Variants in GJC2 observed in about 807,000 individuals in gnomAD.
GJC2 encodes the protein gap junction protein gamma 2, also known as gap junction gamma-2 protein.
For synonymous variants in GJC2, 336 were observed against 307.5 expected (o/e 1.09, Z -0.97); for missense variants, 647 against 648.9 (o/e 1.00, Z 0.03).
Position 228,157,840 on chromosome 1 carries a change from C to T in GJC2, c.82C>T (p.Leu28Phe). ...NHSTFVGKVW[L>F]TVLVVFRIVL... The stretch of plus-strand genomic sequence containing the variant: ...CTCCACCTTCGTGGGCAAGGTGTGG[C>T]TCACGGTGCTGGTGGTCTTCCGCAT... The change falls in exon 2 of 2, where the codon CTC becomes TTC. Residue 28 changes from leucine (L) to phenylalanine (F), a missense_variant. By Grantham distance (22) the Leu-to-Phe change is conservative. Transcript: ENST00000366714. The T allele has an allele frequency of 1.9e-6, 3 of 1,598,252 alleles. No individual in the cohort carries two copies. Among genetic ancestry groups the T allele is most frequent in the East Asian group, 2.3e-5 (1 of 44,098 alleles).
Position 228,158,323 on chromosome 1 carries a change from G to T in GJC2, c.565G>T (p.Ala189Ser). 6.4e-7 allele frequency: 1 copy of T among 1,558,348 alleles called. No individual in the cohort carries two copies. The change falls in exon 2 of 2, where the codon GCA (alanine) becomes TCA (serine). Residue 189 changes from alanine to serine, a missense_variant. Coordinates refer to ENST00000366714, the MANE Select transcript of GJC2 (RefSeq NM_020435.4). The surrounding 1 kb of genome is among the most constrained non-coding windows in gnomAD (Gnocchi z 8.3). ...TKAVGADGKA[A>S]GTPGPTGQHD... is the part of the protein sequence containing the mutation. The stretch of plus-strand genomic sequence containing the variant: ...GGCGGTCGGCGCTGACGGCAAGGCG[G>T]CAGGGACCCCGGGCCCGACCGGGCA...
At position 228,158,132 on chromosome 1, in the gene GJC2, G is replaced by A; in HGVS notation, c.374G>A (p.Arg125Gln). Reference sequence around the variant, plus strand: ...CGCCCGGGGCCACGCCGCGCGCCCCGAGCGCACCTGCCGCCCCCGCACGCC... The same window carrying A: ...CGCCCGGGGCCACGCCGCGCGCCCCAAGCGCACCTGCCGCCCCCGCACGCC... Reference protein sequence around the residue: ...RRRPGPRRAPRAHLPPPHAGW... With the variant: ...RRRPGPRRAPQAHLPPPHAGW... The change falls in exon 2 of 2, where the codon CGA (arginine) becomes CAA (glutamine). Residue 125 changes from arginine (R) to glutamine (Q), a missense_variant. Physicochemically the swap from Arg to Gln is conservative, Grantham distance 43. Coordinates refer to ENST00000366714, the MANE Select transcript of GJC2 (RefSeq NM_020435.4). This position sits in a 1 kb window ranked among gnomAD's most constrained non-coding sequence, Gnocchi z 8.3. 7.9e-7 allele frequency: 1 copy of A among 1,263,072 alleles called. No homozygotes were observed. The highest frequency in any genetic ancestry group is 1.0e-6 in the Non-Finnish European group (1 of 1,003,874). The allele number at this position is 1,263,072 out of a possible 1,614,324, so 78.2% of individuals were successfully genotyped here. A position where few individuals can be genotyped will look rare whatever the true frequency, so the allele number is the denominator to read the frequency against.
rs2034611807 is a variant in GJC2, at chr1:228,151,101, C to G, written c.-20+1094C>G. Among the ~76,000 whole-genome samples the G allele has an allele frequency of 6.6e-6, 1 of 152,152 alleles. No homozygotes were observed. Among genetic ancestry groups the G allele is most frequent in the South Asian group, 2.1e-4 (1 of 4,836 alleles). On this transcript the variant is annotated intron_variant, in intron 1 of 1. Transcript: ENST00000366714. This position sits in a 1 kb window ranked among gnomAD's most constrained non-coding sequence, Gnocchi z 5.4. ...CTGACAGCTCTGTTCCTGCTTGGGACCCTGAGGGAGGGAACTCAAGAACAG... is the reference window on the plus strand; with the variant it reads ...CTGACAGCTCTGTTCCTGCTTGGGAGCCTGAGGGAGGGAACTCAAGAACAG...
At position 228,158,771 on chromosome 1, in the gene GJC2, G is replaced by C. The variant is rs1011652150; in HGVS notation, c.1013G>C (p.Arg338Pro). ...ACPPDYSLVVRAAERARAHDQ... is the reference protein window; with the variant it reads ...ACPPDYSLVVPAAERARAHDQ... The stretch of plus-strand genomic sequence containing the variant: ...CCGCCCGACTACAGCCTGGTGGTGC[G>C]GGCGGCCGAGCGCGCTCGGGCGCAT... The change falls in exon 2 of 2, where the codon CGG becomes CCG. Residue 338 changes from arginine (R) to proline (P), a missense_variant. Arg to Pro is a moderately radical substitution (Grantham distance 103). Coordinates refer to ENST00000366714, the MANE Select transcript of GJC2 (RefSeq NM_020435.4). This position sits in a 1 kb window ranked among gnomAD's most constrained non-coding sequence, Gnocchi z 8.3. The C allele has an allele frequency of 2.1e-6, 3 of 1,402,934 alleles. No individual in the cohort carries two copies. Among genetic ancestry groups the C allele is most frequent in the East Asian group, 7.1e-5 (2 of 28,204 alleles). 86.9% of individuals were successfully genotyped at this position (1,402,934 alleles called of 1,614,324 possible).
Position 228,151,557 on chromosome 1 carries a change from C to T in GJC2, c.-20+1550C>T, listed in dbSNP as rs371863508. On this transcript the variant is annotated intron_variant, in intron 1 of 1. Coordinates refer to ENST00000366714, the MANE Select transcript of GJC2 (RefSeq NM_020435.4). The surrounding 1 kb of genome is among the most constrained non-coding windows in gnomAD (Gnocchi z 5.4). ...TGTGAGCCCAGCTCCATGTTGAGCTCGAGCAGCAGTGTGCATGTGGCAGTG... is the reference window on the plus strand; with the variant it reads ...TGTGAGCCCAGCTCCATGTTGAGCTTGAGCAGCAGTGTGCATGTGGCAGTG... Among the ~76,000 whole-genome samples, 2 of 152,016 alleles carry T rather than the reference C, an allele frequency of 1.3e-5. No homozygotes were observed. The highest frequency in any genetic ancestry group is 2.9e-5 in the Non-Finnish European group (2 of 67,992).
rs976058197 is a variant in GJC2, at chr1:228,151,598, T to TG, written c.-20+1598dup. Among the ~76,000 whole-genome samples the TG allele has an allele frequency of 5.9e-5, 9 of 151,694 alleles. No homozygotes were observed. The East Asian group carries it at 1.2e-3, about 20-fold the overall frequency. ...TGTGGCAGTGTGCACTGCTTGTGTG[T>TG]GGGGGGGTGGAGGGAGGAGCGTGCC... On this transcript the variant is annotated intron_variant, in intron 1 of 1. Coordinates refer to ENST00000366714, the MANE Select transcript of GJC2 (RefSeq NM_020435.4). The surrounding 1 kb of genome is among the most constrained non-coding windows in gnomAD (Gnocchi z 5.4).
Position 228,158,017 on chromosome 1 carries a change from A to C in GJC2, c.259A>C (p.Ile87Leu), listed in dbSNP as rs776048044. ...VRFWVFQIVVISTPSVMYLGY... is the reference protein window; with the variant it reads ...VRFWVFQIVVLSTPSVMYLGY... ...CTTCTGGGTCTTCCAGATTGTGGTC[A>C]TCTCCACGCCCTCGGTCATGTACCT... The change falls in exon 2 of 2, where the codon ATC becomes CTC. Residue 87 changes from isoleucine to leucine, a missense_variant. Ile to Leu is a conservative substitution (Grantham distance 5). Transcript: ENST00000366714. The surrounding 1 kb of genome is among the most constrained non-coding windows in gnomAD (Gnocchi z 8.3). The C allele has an allele frequency of 6.2e-6, 10 of 1,611,558 alleles. No homozygotes were observed. Among genetic ancestry groups the C allele is most frequent in the Non-Finnish European group, 8.5e-6 (10 of 1,179,632 alleles).
chr1:228,150,412 T>C lies in GJC2; in HGVS notation c.-20+405T>C, dbSNP rs2034601411. On this transcript the variant is annotated intron_variant, in intron 1 of 1. Transcript: ENST00000366714. This position sits in a 1 kb window ranked among gnomAD's most constrained non-coding sequence, Gnocchi z 4.6. ...TGTGTCCAGGCCCAGTCCCCCACCC[T>C]CAGCGGCCACCTGGAGGTGAGGGGG... Among the ~76,000 whole-genome samples the C allele has an allele frequency of 6.6e-6, 1 of 152,106 alleles. No individual in the cohort carries two copies. The highest frequency in any genetic ancestry group is 1.5e-5 in the Non-Finnish European group (1 of 67,988).
chr1:228,158,059 C>G lies in GJC2; in HGVS notation c.301C>G (p.Arg101Gly). Residue 101 changes from arginine (R) to glycine (G), a missense_variant, in exon 2 of 2, where the codon CGC (arginine) becomes GGC (glycine). By Grantham distance (125) the Arg-to-Gly change is moderately radical. Coordinates refer to ENST00000366714, the MANE Select transcript of GJC2 (RefSeq NM_020435.4). The surrounding 1 kb of genome is among the most constrained non-coding windows in gnomAD (Gnocchi z 8.3). The part of the protein sequence containing the change: ...SVMYLGYAVH[R>G]LARASEQERR... ...CATGTACCTGGGCTACGCCGTGCAC[C>G]GCCTGGCCCGTGCGTCTGAGCAGGA... 6.2e-7 allele frequency: 1 copy of G among 1,605,554 alleles called. No individual in the cohort carries two copies. Among genetic ancestry groups the G allele is most frequent in the South Asian group, 1.1e-5 (1 of 90,802 alleles).
In GJC2 at chr1:228,158,398, G is replaced by T; in HGVS notation, c.640G>T (p.Val214Leu). The T allele has an allele frequency of 6.2e-7, 1 of 1,605,320 alleles. No homozygotes were observed. ...GCGGGAGGGCCTGATGCGCGTGTACGTGGCCCAGCTGGTGGCCAGGGCAGC... is the reference window on the plus strand; with the variant it reads ...GCGGGAGGGCCTGATGCGCGTGTACTTGGCCCAGCTGGTGGCCAGGGCAGC... ...IQREGLMRVY[V>L]AQLVARAAFE... The change falls in exon 2 of 2, where the codon GTG (valine) becomes TTG (leucine). Residue 214 changes from valine (V) to leucine (L), a missense_variant. Val to Leu is a conservative substitution (Grantham distance 32, BLOSUM62 1). Transcript: ENST00000366714. This position sits in a 1 kb window ranked among gnomAD's most constrained non-coding sequence, Gnocchi z 8.3.
rs1429556501 is a variant in GJC2 at position 228,158,119 on chromosome 1, C to T, written c.361C>T (p.Arg121Cys). 8.0e-7 allele frequency: 1 copy of T among 1,250,774 alleles called. No homozygotes were observed. The highest frequency in any genetic ancestry group is 1.0e-6 in the Non-Finnish European group (1 of 995,438). The allele number at this position is 1,250,774 out of a possible 1,614,324, so 77.5% of individuals were successfully genotyped here. The change falls in exon 2 of 2, where the codon CGC becomes TGC. Residue 121 changes from arginine (R) to cysteine (C), a missense_variant. By Grantham distance (180) the Arg-to-Cys change is radical. Transcript: ENST00000366714. This position sits in a 1 kb window ranked among gnomAD's most constrained non-coding sequence, Gnocchi z 8.3. ...RRALRRRPGPRRAPRAHLPPP... is the reference protein window; with the variant it reads ...RRALRRRPGPCRAPRAHLPPP... ...CGCCCTCCGCCGCCGCCCGGGGCCA[C>T]GCCGCGCGCCCCGAGCGCACCTGCC...
chr1:228,151,518 T>C lies in GJC2; in HGVS notation c.-20+1511T>C, dbSNP rs531774628. Among the ~76,000 whole-genome samples the C allele has an allele frequency of 4.6e-4, 70 of 152,042 alleles. No homozygotes were observed. Among genetic ancestry groups the C allele is most frequent in the Non-Finnish European group, 8.2e-4 (56 of 67,964 alleles). On this transcript the variant is annotated intron_variant, in intron 1 of 1. Transcript: ENST00000366714. The surrounding 1 kb of genome is among the most constrained non-coding windows in gnomAD (Gnocchi z 5.4). ...TGAATAGGGAGGGTTCATGGCTATG[T>C]GTGAGAGTGAGTGTGTGAGCCCAGC...
chr1:228,153,581 CTTTTTTTT>C (rs149136887), intron 1 of GJC2, among the ~76,000 whole-genome samples: 3,484 of 93,216 alleles, frequency 0.037, 60 homozygotes, highest in Non-Finnish European at 0.052. Context: ...TTTCTCTTTT[CTTTTTTTT>C]TTTTTTTTTT....
chr1:228,154,480 G>A (rs780452619), intron 1 of GJC2, among the ~76,000 whole-genome samples: 3 of 152,164 alleles, frequency 2.0e-5, no homozygotes, highest in Non-Finnish European at 4.4e-5. Context: ...GCCTGGCCAG[G>A]GTTGGTGTAG....
At position 228,152,457 on chromosome 1, in the gene GJC2, T is replaced by TCTGA. The variant is rs1336363367; in HGVS notation, c.-20+2451_-20+2452insTGAC. 6.6e-6 allele frequency among the ~76,000 whole-genome samples: 1 copy of TCTGA among 152,006 alleles called. No homozygotes were observed. Among genetic ancestry groups the TCTGA allele is most frequent in the Non-Finnish European group, 1.5e-5 (1 of 67,948 alleles). Reference sequence around the variant, plus strand: ...GGAGGGGGCCCGGCTCTGACCGGTGTCCTGAGATACCAGGACACCAGGACA... The same window carrying TCTGA: ...GGAGGGGGCCCGGCTCTGACCGGTGTCTGACCTGAGATACCAGGACACCAGGACA... On this transcript the variant is annotated intron_variant, in intron 1 of 1. Coordinates refer to ENST00000366714, the MANE Select transcript of GJC2 (RefSeq NM_020435.4). The surrounding 1 kb of genome is among the most constrained non-coding windows in gnomAD (Gnocchi z 7.3).
Position 228,159,139 on chromosome 1 carries a change from T to G in GJC2, c.*61T>G. On this transcript the variant is annotated 3_prime_UTR_variant, in exon 2 of 2. Transcript: ENST00000366714. This position sits in a 1 kb window ranked among gnomAD's most constrained non-coding sequence, Gnocchi z 4.0. ...GGGTTGGGGGGCTCCGGTGGAAACCTGCGACCCCTTCTCCTCAGCCTTCTC... is the reference window on the plus strand; with the variant it reads ...GGGTTGGGGGGCTCCGGTGGAAACCGGCGACCCCTTCTCCTCAGCCTTCTC... The G allele has an allele frequency of 6.4e-7, 1 of 1,564,040 alleles. No individual in the cohort carries two copies. The highest frequency in any genetic ancestry group is 8.8e-7 in the Non-Finnish European group (1 of 1,141,684).
In GJC2 at chr1:228,158,512, C is replaced by T; in HGVS notation, c.754C>T (p.His252Tyr). The change falls in exon 2 of 2, where the codon CAC becomes TAC. Residue 252 changes from histidine to tyrosine, a missense_variant. His to Tyr is a moderately conservative substitution (Grantham distance 83). Coordinates refer to ENST00000366714, the MANE Select transcript of GJC2 (RefSeq NM_020435.4). This position sits in a 1 kb window ranked among gnomAD's most constrained non-coding sequence, Gnocchi z 8.3. The stretch of plus-strand genomic sequence containing the variant: ...TCCCTGCAGCCGCCAGCCCTGCCCG[C>T]ACGTGGTGGACTGCTTCGTGTCGCG... Reference protein sequence around the residue: ...FFPCSRQPCPHVVDCFVSRPT... With the variant: ...FFPCSRQPCPYVVDCFVSRPT... 6.2e-7 allele frequency: 1 copy of T among 1,612,974 alleles called. No homozygotes were observed. The highest frequency in any genetic ancestry group is 8.5e-7 in the Non-Finnish European group (1 of 1,179,692).
chr1:228,158,052 C>T lies in GJC2; in HGVS notation c.294C>T (p.Ala98=), dbSNP rs1221144967. Residue 98 remains alanine (A), a synonymous_variant, in exon 2 of 2, where the codon GCC becomes GCT. Transcript: ENST00000366714. This position sits in a 1 kb window ranked among gnomAD's most constrained non-coding sequence, Gnocchi z 8.3. ...STPSVMYLGY[A]VHRLARASEQ... is the part of the protein sequence containing the mutation. Reference sequence around the variant, plus strand: ...CCTCGGTCATGTACCTGGGCTACGCCGTGCACCGCCTGGCCCGTGCGTCTG... The same window carrying T: ...CCTCGGTCATGTACCTGGGCTACGCTGTGCACCGCCTGGCCCGTGCGTCTG... 10 of 1,607,394 alleles carry T rather than the reference C, an allele frequency of 6.2e-6. No homozygotes were observed. The highest frequency in any genetic ancestry group is 2.2e-5 in the South Asian group (2 of 90,874).
Position 228,158,150 on chromosome 1 carries a change from C to A in GJC2, c.392C>A (p.Pro131Gln), listed in dbSNP as rs1298064694. 3 of 1,327,656 alleles carry A rather than the reference C, an allele frequency of 2.3e-6. No individual in the cohort carries two copies. Among genetic ancestry groups the A allele is most frequent in the South Asian group, 1.8e-5 (1 of 54,734 alleles). 82.2% of individuals were successfully genotyped at this position (1,327,656 alleles called of 1,614,324 possible). A position where few individuals can be genotyped will look rare whatever the true frequency, so the allele number is the denominator to read the frequency against. The change falls in exon 2 of 2, where the codon CCG (proline) becomes CAG (glutamine). Residue 131 changes from proline to glutamine, a missense_variant. Coordinates refer to ENST00000366714, the MANE Select transcript of GJC2 (RefSeq NM_020435.4). This position sits in a 1 kb window ranked among gnomAD's most constrained non-coding sequence, Gnocchi z 8.3. ...GCGCCCCGAGCGCACCTGCCGCCCC[C>A]GCACGCCGGCTGGCCTGAGCCCGCC... Reference protein sequence around the residue: ...RRAPRAHLPPPHAGWPEPADL... With the variant: ...RRAPRAHLPPQHAGWPEPADL...
Sources: allele counts gnomAD v4.1 joint callset (sites outside exome capture counted in the v4.1 genomes callset), GRCh38; gene constraint gnomAD v4.1.1; non-coding constraint Gnocchi (gnomAD v3.1); transcripts MANE v1.5; gene names NCBI Gene and HGNC (gene_info 2026-07-23, HGNC 2026-07-21).